The following HPSE2 variants were observed in gnomAD, a reference collection of about 807,000 sequenced individuals.
HPSE2 encodes the protein heparanase 2 (inactive), also known as inactive heparanase-2.
In HPSE2, 38 loss-of-function variants were observed where a neutral mutation model predicts 60.5. The observed-to-expected ratio is 0.63, with a 90% CI of 0.48 to 0.82. The LOEUF is 0.82. Ranked by LOEUF, HPSE2 falls within the 40% of genes least tolerant of loss-of-function variation. The probability of loss-of-function intolerance (pLI) is 0.00; values close to 1 mark genes in which losing one functional copy is unlikely to be tolerated. For synonymous variants in HPSE2, 295 were observed against 293.2 expected (o/e 1.01, Z -0.06); for missense variants, 713 against 740.4 (o/e 0.96, Z 0.43).
intron 3 of HPSE2, among the ~76,000 whole-genome samples, chr10:98,994,908 G>A (rs561414699): frequency 6.6e-6 from 1 of 152,314 alleles, no homozygotes; most frequent in Admixed American, 6.5e-5. Context: ...CAAGGGTAGG[G>A]TGCAGCCCAG....
chr10:98,758,474 A>C (rs1215165989), intron 3 of HPSE2, among the ~76,000 whole-genome samples: 1 of 152,176 alleles, frequency 6.6e-6, no homozygotes. Context: ...AGGAACTTGA[A>C]CAAATTAACA....
chr10:99,259,590 G>A, the HPSE2 span, among the ~76,000 whole-genome samples: 1 of 152,092 alleles, frequency 6.6e-6, no homozygotes, highest in Non-Finnish European at 1.5e-5. Flanking sequence ...ATGAAATGTG[G>A]GAAGAAAGGA....
At chr10:99,173,943 CAAAAAAA>C (rs61074165) in intron 2 of HPSE2, among the ~76,000 whole-genome samples, 2 of 99,958 alleles carry the variant, frequency 2.0e-5, no homozygotes, top group African/African-American at 6.3e-5. Context: ...GACTCTGTCT[CAAAAAAA>C]AAAAAAAAAA....
intron 7 of HPSE2, among the ~76,000 whole-genome samples, chr10:98,632,623 G>A (rs896817823): frequency 3.3e-5 from 5 of 152,126 alleles, no homozygotes; most frequent in African/African-American, 1.2e-4. Context: ...CAGATGCACA[G>A]CCAAGTGGGG....
intron 9 of HPSE2, among the ~76,000 whole-genome samples, chr10:98,596,196 T>TTA (rs1945231841): frequency 6.6e-6 from 1 of 152,170 alleles, no homozygotes; most frequent in Non-Finnish European, 1.5e-5. Context: ...GGCTTTGGTA[T>TTA]TAGAACAAAT....
rs75001937 is a variant in HPSE2 at position 99,069,169 on chromosome 10, G to A, written c.610+75069C>T. On this transcript the variant is annotated intron_variant, in intron 3 of 11. Coordinates refer to ENST00000370552, the MANE Select transcript of HPSE2 (RefSeq NM_021828.5). ...AACCCAGTTGAAACAAAACCCAGAAGAGTAGAACTCAGCTGGTTCTCATAA... is the reference window on the plus strand; with the variant it reads ...AACCCAGTTGAAACAAAACCCAGAAAAGTAGAACTCAGCTGGTTCTCATAA... Among the ~76,000 whole-genome samples the A allele has an allele frequency of 9.1e-3, 1,392 of 152,216 alleles. 17 individuals carry two copies. The highest frequency in any genetic ancestry group is 0.031 in the African/African-American group (1,297 of 41,522).
chr10:99,194,644 A>G (rs1008409995), intron 2 of HPSE2, among the ~76,000 whole-genome samples: 3 of 152,040 alleles, frequency 2.0e-5, no homozygotes, highest in Admixed American at 1.3e-4. Context: ...AATAAACTGG[A>G]AAACCTAAAA....
In HPSE2 at chr10:98,684,287, G is replaced by A. The variant is rs192360024; in HGVS notation, c.1004+9613C>T. 2.6e-5 allele frequency among the ~76,000 whole-genome samples: 4 copies of A among 152,278 alleles called. No individual in the cohort carries two copies. The East Asian group carries it at 7.7e-4, about 29-fold the overall frequency. On this transcript the variant is annotated intron_variant, in intron 6 of 11. Coordinates refer to ENST00000370552, the MANE Select transcript of HPSE2 (RefSeq NM_021828.5). ...AACAGAAGGAGGGATGGCTCCAGGA[G>A]CAGATATCTCCAAGGAGAAGATGAA...
intron 3 of HPSE2, among the ~76,000 whole-genome samples, chr10:99,026,169 A>G (rs922680761): frequency 2.6e-5 from 4 of 152,084 alleles, no homozygotes; most frequent in Non-Finnish European, 5.9e-5. Flanking sequence ...TCCAATCAAA[A>G]AAACATACAC....
chr10:98,982,613 C>G (rs1321912829), intron 3 of HPSE2, among the ~76,000 whole-genome samples: 1 of 151,932 alleles, frequency 6.6e-6, no homozygotes, highest in African/African-American at 2.4e-5. Context: ...AGTAAGTAAC[C>G]AAGTGAAGTC....
chr10:98,828,002 T>C (rs1432477060), intron 3 of HPSE2, among the ~76,000 whole-genome samples: 1 of 152,196 alleles, frequency 6.6e-6, no homozygotes, highest in Non-Finnish European at 1.5e-5. Flanking sequence ...AAGATTGGCC[T>C]CCCCAGGAAA....
At chr10:98,853,699 A>T (rs993935121) in intron 3 of HPSE2, among the ~76,000 whole-genome samples, 6 of 152,142 alleles carry the variant, frequency 3.9e-5, no homozygotes. Flanking sequence ...ATGAATCCTA[A>T]CTATAAAAAG....
rs546775280 is a variant in HPSE2 at position 98,996,735 on chromosome 10, C to T, written c.610+147503G>A. 4.6e-5 allele frequency among the ~76,000 whole-genome samples: 7 copies of T among 152,270 alleles called. No homozygotes were observed. The South Asian group carries it at 6.2e-4, about 14-fold the overall frequency. On this transcript the variant is annotated intron_variant, in intron 3 of 11. Transcript: ENST00000370552. The stretch of plus-strand genomic sequence containing the variant: ...CAACATCATGAGTGAATATCAAAAA[C>T]ATTATGCCAAGTGAAAGAAGCCAGA...
chr10:98,662,398 C>A (rs1947249439), intron 6 of HPSE2, among the ~76,000 whole-genome samples: 1 of 152,136 alleles, frequency 6.6e-6, no homozygotes, highest in African/African-American at 2.4e-5. Flanking sequence ...AGATTATGTC[C>A]TTTACAGGAA....
At chr10:98,637,861 A>G (rs1325866661) in intron 7 of HPSE2, among the ~76,000 whole-genome samples, 1 of 152,150 alleles carries the variant, frequency 6.6e-6, no homozygotes, top group Non-Finnish European at 1.5e-5. Flanking sequence ...TTGGAAGGCC[A>G]GGCACGGTGG....
At chr10:98,672,376 C>T (rs527820716) in intron 6 of HPSE2, among the ~76,000 whole-genome samples, 5 of 152,324 alleles carry the variant, frequency 3.3e-5, no homozygotes, top group Admixed American at 2.6e-4. Flanking sequence ...AACGAAATTA[C>T]ATCTTACACA....
the HPSE2 span, among the ~76,000 whole-genome samples, chr10:99,305,979 G>GCACGCACACACACACACA: frequency 6.2e-4 from 50 of 80,586 alleles, no homozygotes; most frequent in African/African-American, 2.6e-3. Flanking sequence ...GCGCGCGCGC[G>GCACGCACACACACACACA]CACACACACA....
At chr10:98,649,883 T>C (rs1946871420) in intron 6 of HPSE2, among the ~76,000 whole-genome samples, 1 of 152,174 alleles carries the variant, frequency 6.6e-6, no homozygotes, top group Non-Finnish European at 1.5e-5. Flanking sequence ...CTGCGATTCT[T>C]GAGAGATGGT....
chr10:99,247,070 A>G, the HPSE2 span, among the ~76,000 whole-genome samples: 1 of 152,220 alleles, frequency 6.6e-6, no homozygotes, highest in Non-Finnish European at 1.5e-5. Context: ...GAGAGTAGGA[A>G]GTATCTTTCT....
Sources: allele counts gnomAD v4.1 joint callset (sites outside exome capture counted in the v4.1 genomes callset), GRCh38; gene constraint gnomAD v4.1.1; transcripts MANE v1.5; gene names NCBI Gene and HGNC (gene_info 2026-07-23, HGNC 2026-07-21).